TDRD7: variants seen among roughly 807,000 people sequenced by gnomAD.
TDRD7 encodes the protein tudor domain-containing protein 7.
TDRD7 carries 47 observed loss-of-function variants against 109.8 expected under a neutral mutation model. The observed-to-expected ratio is 0.43, with a 90% CI of 0.34 to 0.55. The LOEUF (loss-of-function observed/expected upper bound fraction) is 0.55, where lower values mean the gene tolerates loss of function less well. Among genes scored for constraint, TDRD7 ranks in the 20% least tolerant of loss-of-function variants. The pLI is 0.03. For missense variants in TDRD7, 1,164 were observed against 1,319.2 expected, an observed-to-expected ratio of 0.88 and a Z score of 1.82; for synonymous variants, 424 against 457.3, an observed-to-expected ratio of 0.93 and a Z score of 0.93.
chr9:97,444,104 T>C (rs1265134943), intron 6 of TDRD7, among the ~76,000 whole-genome samples: 8 of 152,198 alleles, frequency 5.3e-5, no homozygotes, highest in Admixed American at 5.2e-4. Context: ...AAATGAATAG[T>C]TTTCTACTAA....
At chr9:97,454,625 T>G (rs1178404149) in intron 6 of TDRD7, among the ~76,000 whole-genome samples, 1 of 152,212 alleles carries the variant, frequency 6.6e-6, no homozygotes, top group Non-Finnish European at 1.5e-5. Context: ...ATCAAGAAGT[T>G]CTTTGAAACA....
chr9:97,453,149 A>G (rs1438470782), intron 6 of TDRD7, among the ~76,000 whole-genome samples: 4 of 152,224 alleles, frequency 2.6e-5, no homozygotes, highest in African/African-American at 9.6e-5. Flanking sequence ...GTTATCGTCC[A>G]CTGAAAGTAG....
chr9:97,495,540 G>A, intron 16 of TDRD7, 123 bp from the exon 17 acceptor site: 1 of 925,180 alleles, frequency 1.1e-6, no homozygotes, highest in African/African-American at 1.6e-5. Flanking sequence ...TTCAGTTCAG[G>A]CAAGTCTAAC....
intron 14 of TDRD7, among the ~76,000 whole-genome samples, chr9:97,481,824 A>C (rs1352690123): frequency 6.6e-6 from 1 of 152,228 alleles, no homozygotes; most frequent in African/African-American, 2.4e-5. Context: ...AAATTTCAAA[A>C]TGAATTTGCA....
At chr9:97,440,082 A>T (rs1828275493) in intron 5 of TDRD7, among the ~76,000 whole-genome samples, 2 of 152,194 alleles carry the variant, frequency 1.3e-5, no homozygotes, top group Non-Finnish European at 2.9e-5. Context: ...AGTATTTCTT[A>T]ATGGAAATTA....
intron 1 of TDRD7, among the ~76,000 whole-genome samples, chr9:97,418,400 T>C (rs1401458375): frequency 2.0e-5 from 3 of 152,106 alleles, no homozygotes; most frequent in African/African-American, 7.2e-5. Context: ...ACATCTGCTA[T>C]ATAAAGGAGA....
intron 6 of TDRD7, among the ~76,000 whole-genome samples, chr9:97,457,618 T>A (rs556155207): frequency 6.6e-6 from 1 of 152,274 alleles, no homozygotes. Context: ...GACCTCATGA[T>A]CTGCCCGCCT....
chr9:97,444,043 A>G (rs1167150379), intron 6 of TDRD7, among the ~76,000 whole-genome samples: 2 of 152,122 alleles, frequency 1.3e-5, no homozygotes, highest in African/African-American at 4.8e-5. Context: ...TTCTCTTGCT[A>G]GGATTGTAGA....
Position 97,460,598 on chromosome 9 carries a change from A to T in TDRD7, c.1276A>T (p.Ile426Phe). 1 of 1,614,228 alleles carries T rather than the reference A, an allele frequency of 6.2e-7. No homozygotes were observed. ...AGGGCAAGCACATGGTGATAATGAT[A>T]TCAAGGCTATGGTTGAACAAGAGTA... ...DAGQAHGDND[I>F]KAMVEQEYLQ... The change falls in exon 7 of 17, where the codon ATC becomes TTC. Residue 426 changes from isoleucine (I) to phenylalanine (F), a missense_variant. Physicochemically the swap from Ile to Phe is conservative, Grantham distance 21. Around this residue, in one of 5 missense-constraint regions of TDRD7, gnomAD observed 407 missense variants for 394.0 expected, o/e 1.03. Coordinates refer to ENST00000355295, the MANE Select transcript of TDRD7 (RefSeq NM_014290.3).
At chr9:97,435,198 A>G (rs1484148230) in intron 4 of TDRD7, among the ~76,000 whole-genome samples, 1 of 150,716 alleles carries the variant, frequency 6.6e-6, no homozygotes, top group Non-Finnish European at 1.5e-5. Context: ...GAATTGTACT[A>G]TTGCCAATAT....
rs747777898 is a variant in TDRD7, at chr9:97,460,427, T to G, written c.1105T>G (p.Tyr369Asp). Reference protein sequence around the residue: ...SALPKAFEEMYKVKFPEDALK... With the variant: ...SALPKAFEEMDKVKFPEDALK... The stretch of plus-strand genomic sequence containing the variant: ...ACTTCCGAAAGCATTTGAGGAAATG[T>G]ACAAAGTGAAATTCCCTGAGGATGC... Residue 369 changes from tyrosine to aspartate, a missense_variant, in exon 7 of 17, where the codon TAC becomes GAC. Physicochemically the swap from Tyr to Asp is radical, Grantham distance 160. This residue lies in a region of TDRD7 where 407 missense variants were observed against 394.0 expected (regional missense o/e 1.03). Transcript: ENST00000355295. The G allele has an allele frequency of 1.2e-6, 2 of 1,614,118 alleles. No individual in the cohort carries two copies. Among genetic ancestry groups the G allele is most frequent in the Non-Finnish European group, 1.7e-6 (2 of 1,180,046 alleles).
At chr9:97,449,433 A>G (rs1043240868) in intron 6 of TDRD7, among the ~76,000 whole-genome samples, 1 of 152,214 alleles carries the variant, frequency 6.6e-6, no homozygotes, top group Non-Finnish European at 1.5e-5. Flanking sequence ...TGGGGTTCCC[A>G]AAACCTCCTC....
chr9:97,434,888 CA>C (rs1483049270), intron 4 of TDRD7, among the ~76,000 whole-genome samples: 2 of 152,140 alleles, frequency 1.3e-5, no homozygotes, highest in Non-Finnish European at 2.9e-5. Flanking sequence ...TCAAGGGAAT[CA>C]TGCTGAGTGA....
chr9:97,429,353 A>G (rs777983817), intron 2 of TDRD7, among the ~76,000 whole-genome samples: 4 of 152,202 alleles, frequency 2.6e-5, no homozygotes, highest in Non-Finnish European at 5.9e-5. Flanking sequence ...GTACAGCATA[A>G]TAGATATGGA....
intron 16 of TDRD7, among the ~76,000 whole-genome samples, chr9:97,494,692 A>G (rs1346682250): frequency 7.0e-6 from 1 of 143,318 alleles, no homozygotes; most frequent in East Asian, 2.0e-4. Flanking sequence ...GTATATATAT[A>G]TGTATATATA....
intron 16 of TDRD7, among the ~76,000 whole-genome samples, chr9:97,487,558 C>T (rs1206281972): frequency 6.6e-6 from 1 of 151,948 alleles, no homozygotes; most frequent in African/African-American, 2.4e-5. Flanking sequence ...CTCCTTCTGT[C>T]TCTGGTTTCA....
At chr9:97,467,364 A>C (rs1319820323) in intron 8 of TDRD7, among the ~76,000 whole-genome samples, 1 of 152,048 alleles carries the variant, frequency 6.6e-6, no homozygotes, top group Admixed American at 6.5e-5. Flanking sequence ...CCCTCCTTCT[A>C]CTTTGGGAAT....
Position 97,470,540 on chromosome 9 carries a change from T to G in TDRD7, c.1630-18T>G. 6.3e-7 allele frequency: 1 copy of G among 1,591,512 alleles called. No homozygotes were observed. The highest frequency in any genetic ancestry group is 8.6e-7 in the Non-Finnish European group (1 of 1,160,356). On this transcript the variant is annotated intron_variant, in intron 8 of 16. Transcript: ENST00000355295. ...AGAGAGGATAAAGAACTAAACATTC[T>G]GTGTTTTTAATCATTAGGTATGCTA...
At chr9:97,475,897 T>G (rs1405315885) in intron 12 of TDRD7, among the ~76,000 whole-genome samples, 1 of 152,214 alleles carries the variant, frequency 6.6e-6, no homozygotes, top group African/African-American at 2.4e-5. Flanking sequence ...TTTCATTCAT[T>G]ATGTTTGTGA....
Sources: allele counts gnomAD v4.1 joint callset (sites outside exome capture counted in the v4.1 genomes callset), GRCh38; gene constraint gnomAD v4.1.1; regional missense constraint gnomAD v4.1.1; transcripts MANE v1.5; gene names NCBI Gene and HGNC (gene_info 2026-07-23, HGNC 2026-07-21).